The following MGAT5 variants were observed in gnomAD, a reference collection of about 807,000 sequenced individuals.
MGAT5 encodes the protein alpha-1,6-mannosylglycoprotein 6-beta-N-acetylglucosaminyltransferase A.
Under a neutral mutation model 94.3 loss-of-function variants are expected in MGAT5, and 30 were observed. The observed-to-expected ratio is 0.32, with a 90% CI of 0.24 to 0.43. MGAT5 has a LOEUF of 0.43. Ranked by LOEUF, MGAT5 falls within the 20% of genes least tolerant of loss-of-function variation. The pLI is 1.00. For synonymous variants in MGAT5, 310 were observed against 322.9 expected, an observed-to-expected ratio of 0.96 and a Z score of 0.43; for missense variants, 691 against 905.5, an observed-to-expected ratio of 0.76 and a Z score of 3.04.
intron 10 of MGAT5, among the ~76,000 whole-genome samples, chr2:134,383,979 G>A (rs957920616): frequency 2.5e-4 from 2 of 7,852 alleles, no homozygotes; most frequent in African/African-American, 3.3e-4. Flanking sequence ...GCGCCTGGCC[G>A]CTTAAGCATG....
intron 1 of MGAT5, among the ~76,000 whole-genome samples, chr2:134,130,416 G>A (rs1270486476): frequency 5.9e-5 from 9 of 152,266 alleles, no homozygotes; most frequent in African/African-American, 2.2e-4. Context: ...TGGGATTGGT[G>A]GGCAGCTCTG....
chr2:134,376,464 G>A (rs1284842363), intron 10 of MGAT5, among the ~76,000 whole-genome samples: 5 of 152,074 alleles, frequency 3.3e-5, no homozygotes, highest in African/African-American at 9.7e-5. Context: ...CGTTTACTTC[G>A]AAGGAGTTGG....
chr2:134,368,561 T>G (rs894753047), intron 10 of MGAT5, among the ~76,000 whole-genome samples: 3 of 152,214 alleles, frequency 2.0e-5, no homozygotes, highest in African/African-American at 7.2e-5. Context: ...AGCAGAACTT[T>G]CAGAAATGTG....
At chr2:134,259,302 A>T (rs941766520) in intron 1 of MGAT5, among the ~76,000 whole-genome samples, 1 of 152,178 alleles carries the variant, frequency 6.6e-6, no homozygotes, top group South Asian at 2.1e-4. Flanking sequence ...GAATTGTGTC[A>T]TGGATGGTGC....
At chr2:134,340,545 A>C (rs560277914) in intron 6 of MGAT5, among the ~76,000 whole-genome samples, 18 of 152,324 alleles carry the variant, frequency 1.2e-4, no homozygotes, top group African/African-American at 4.1e-4. Context: ...ATAGATCATC[A>C]TTAGAGTAGG....
At chr2:134,401,314 C>T (rs1345995640) in intron 10 of MGAT5, among the ~76,000 whole-genome samples, 1 of 152,178 alleles carries the variant, frequency 6.6e-6, no homozygotes, top group Non-Finnish European at 1.5e-5. Flanking sequence ...CCTTTTTGCT[C>T]TAAAGCCAGT....
At chr2:134,328,664 C>T (rs1324437127) in intron 4 of MGAT5, among the ~76,000 whole-genome samples, 1 of 152,004 alleles carries the variant, frequency 6.6e-6, no homozygotes, top group African/African-American at 2.4e-5. Context: ...GTACTGCTTT[C>T]AGGACTGGAG....
Position 134,412,901 on chromosome 2 carries a change from C to T in MGAT5, c.1563C>T (p.Gly521=). The part of the protein sequence containing the change: ...LFVGLGFPYE[G]PAPLEAIANG... The stretch of plus-strand genomic sequence containing the variant: ...TTGGACTTGGGTTCCCTTACGAGGG[C>T]CCAGCTCCCCTGGAAGCTATCGCAA... Residue 521 remains glycine (G), a synonymous_variant, in exon 12 of 16, where the codon GGC becomes GGT. Transcript: ENST00000281923. The T allele has an allele frequency of 6.2e-7, 1 of 1,614,112 alleles. No homozygotes were observed.
chr2:134,299,660 A>G (rs940526079), intron 2 of MGAT5, among the ~76,000 whole-genome samples: 4 of 152,138 alleles, frequency 2.6e-5, no homozygotes, highest in African/African-American at 9.7e-5. Flanking sequence ...CCCAGTATCT[A>G]ATATTTATCC....
At chr2:134,161,243 AC>A (rs1218424940) in intron 1 of MGAT5, among the ~76,000 whole-genome samples, 2 of 152,312 alleles carry the variant, frequency 1.3e-5, no homozygotes, top group African/African-American at 4.8e-5. Flanking sequence ...ACTGAGCAGG[AC>A]CCGGGGAAGA....
chr2:134,315,106 C>T (rs1048689261), intron 2 of MGAT5, among the ~76,000 whole-genome samples: 4 of 152,190 alleles, frequency 2.6e-5, no homozygotes, highest in African/African-American at 4.8e-5. Context: ...AGCCCTGGGG[C>T]GTTGCTTGCA....
intron 1 of MGAT5, among the ~76,000 whole-genome samples, chr2:134,257,846 T>C (rs1558737828): frequency 1.3e-5 from 2 of 149,718 alleles, no homozygotes; most frequent in African/African-American, 2.5e-5. Flanking sequence ...CTTTTTTTTT[T>C]TTTTTTTTTG....
chr2:134,175,811 G>C (rs1005030703), intron 1 of MGAT5, among the ~76,000 whole-genome samples: 1 of 152,016 alleles, frequency 6.6e-6, no homozygotes, highest in African/African-American at 2.4e-5. Context: ...GGTGGAGGCC[G>C]CTTTACTTTG....
At position 134,435,042 on chromosome 2, in the gene MGAT5, C is replaced by T. The variant is rs534691470; in HGVS notation, c.1869+6603C>T. Among the ~76,000 whole-genome samples the T allele has an allele frequency of 4.3e-4, 65 of 152,120 alleles. No homozygotes were observed. In the South Asian group the frequency reaches 4.4e-3, roughly 10 times the overall value. On this transcript the variant is annotated intron_variant, in intron 14 of 15. Coordinates refer to ENST00000281923, the MANE Select transcript of MGAT5 (RefSeq NM_002410.5). ...ATGCCCTGTCTCAGGGTCTCAGTCCCGTATCTCTCTCCTGTGCTGTTGCGG... is the reference window on the plus strand; with the variant it reads ...ATGCCCTGTCTCAGGGTCTCAGTCCTGTATCTCTCTCCTGTGCTGTTGCGG...
At chr2:134,419,846 T>C (rs930427391) in intron 12 of MGAT5, among the ~76,000 whole-genome samples, 1 of 152,170 alleles carries the variant, frequency 6.6e-6, no homozygotes, top group Admixed American at 6.5e-5. Context: ...ACTGCTGACA[T>C]GTAAATTACT....
At chr2:134,172,072 C>A (rs1688236955) in intron 1 of MGAT5, among the ~76,000 whole-genome samples, 1 of 152,196 alleles carries the variant, frequency 6.6e-6, no homozygotes, top group African/African-American at 2.4e-5. Context: ...AGTGAAGTGA[C>A]TGGAGCAGAA....
At chr2:134,338,705 C>G (rs895112697) in intron 6 of MGAT5, among the ~76,000 whole-genome samples, 17 of 152,114 alleles carry the variant, frequency 1.1e-4, no homozygotes, top group African/African-American at 3.4e-4. Flanking sequence ...AAACTTTCCC[C>G]CATTTCCTTA....
At chr2:134,293,858 A>G (rs187965127) in intron 2 of MGAT5, among the ~76,000 whole-genome samples, 23 of 152,302 alleles carry the variant, frequency 1.5e-4, no homozygotes, top group African/African-American at 4.8e-4. Flanking sequence ...GTCTGCGACT[A>G]TGGCTTTGCT....
At chr2:134,432,146 G>C (rs1038315599) in intron 14 of MGAT5, among the ~76,000 whole-genome samples, 1 of 152,198 alleles carries the variant, frequency 6.6e-6, no homozygotes, top group Non-Finnish European at 1.5e-5. Flanking sequence ...TTTTGTATTA[G>C]CCTCAGGTCA....
Sources: gnomAD v4.1 joint callset for allele counts (sites outside exome capture counted in the v4.1 genomes callset) on GRCh38, gnomAD v4.1.1 for gene constraint, MANE v1.5 for transcripts, NCBI Gene and HGNC (gene_info 2026-07-23, HGNC 2026-07-21) for gene names.